Variants in PHF24 observed in about 807,000 individuals in gnomAD.
The protein encoded by PHF24 is Galpha inhibitory interacting protein.
In PHF24, 25 loss-of-function variants were observed where a neutral mutation model predicts 42.6. The ratio of observed to expected loss-of-function variants is 0.59; its 90% confidence interval spans 0.43 to 0.82. PHF24 has a LOEUF of 0.82. Ranked by LOEUF, PHF24 falls within the 40% of genes least tolerant of loss-of-function variation. PHF24 has a pLI of 0.00. For missense variants in PHF24, 470 were observed against 538.1 expected (o/e 0.87, Z 1.25); for synonymous variants, 185 against 204.8 (o/e 0.90, Z 0.83).
chr9:34,947,965 C>T, the PHF24 span, among the ~76,000 whole-genome samples: 1 of 151,676 alleles, frequency 6.6e-6, no homozygotes, highest in Non-Finnish European at 1.5e-5. Context: ...AAAAATTAGC[C>T]GGGCATGGTG....
At chr9:34,886,051 C>G in the PHF24 span, among the ~76,000 whole-genome samples, 188 of 152,092 alleles carry the variant, frequency 1.2e-3, 1 homozygote, top group South Asian at 7.3e-3. Flanking sequence ...TCTCCTCCAT[C>G]ATTAACTCTA....
chr9:34,726,918 T>A, the PHF24 span: 1 of 1,551,718 alleles, frequency 6.4e-7, no homozygotes, highest in Non-Finnish European at 8.7e-7. Flanking sequence ...GCCACAGAAT[T>A]GCAGATTTGG....
the PHF24 span, among the ~76,000 whole-genome samples, chr9:34,772,762 G>T: frequency 6.6e-6 from 1 of 152,140 alleles, no homozygotes; most frequent in Non-Finnish European, 1.5e-5. Context: ...AGGGGAGGAG[G>T]CTAGCATGAT....
At chr9:34,692,661 T>C in the PHF24 span, among the ~76,000 whole-genome samples, 6 of 152,208 alleles carry the variant, frequency 3.9e-5, no homozygotes, top group African/African-American at 1.4e-4. Context: ...CTTAGTGTCC[T>C]TATTTGTAAA....
the PHF24 span, among the ~76,000 whole-genome samples, chr9:34,945,162 T>C: frequency 1.3e-5 from 2 of 152,202 alleles, no homozygotes; most frequent in African/African-American, 2.4e-5. Context: ...CTTTAGCACC[T>C]GTACCACCAC....
chr9:34,792,441 C>T, the PHF24 span, among the ~76,000 whole-genome samples: 3 of 152,100 alleles, frequency 2.0e-5, no homozygotes, highest in Admixed American at 6.5e-5. Context: ...GAGGCTGAGG[C>T]GGGCAGATCA....
At chr9:34,680,673 G>A in the PHF24 span, among the ~76,000 whole-genome samples, 1 of 142,702 alleles carries the variant, frequency 7.0e-6, no homozygotes, top group Non-Finnish European at 1.5e-5. Context: ...GGGCGACAGA[G>A]CGAGACTCCG....
chr9:34,899,234 G>A, the PHF24 span, among the ~76,000 whole-genome samples: 12 of 152,310 alleles, frequency 7.9e-5, no homozygotes, highest in East Asian at 1.3e-3. Context: ...CTCTGTGGAC[G>A]CTGGAGGGCT....
At chr9:34,908,165 G>GT in the PHF24 span, among the ~76,000 whole-genome samples, 1 of 130,042 alleles carries the variant, frequency 7.7e-6, no homozygotes, top group Non-Finnish European at 1.6e-5. Flanking sequence ...TTCACCTGCT[G>GT]TAAGTTTTCT....
the PHF24 span, among the ~76,000 whole-genome samples, chr9:34,746,397 A>G: frequency 6.6e-6 from 1 of 152,228 alleles, no homozygotes; most frequent in Non-Finnish European, 1.5e-5. Flanking sequence ...ATGAACATAG[A>G]TATTAGCAAC....
At chr9:34,839,297 G>A in the PHF24 span, among the ~76,000 whole-genome samples, 13 of 152,156 alleles carry the variant, frequency 8.5e-5, no homozygotes, top group Admixed American at 1.3e-4. Context: ...GCTTTGGGTC[G>A]CAAACTGGTT....
At chr9:34,846,038 T>C in the PHF24 span, among the ~76,000 whole-genome samples, 1 of 152,132 alleles carries the variant, frequency 6.6e-6, no homozygotes, top group East Asian at 1.9e-4. Flanking sequence ...TTTGCTATTG[T>C]GAATAGTGCT....
At chr9:34,681,455 G>A in the PHF24 span, among the ~76,000 whole-genome samples, 7 of 15,160 alleles carry the variant, frequency 4.6e-4, no homozygotes, top group African/African-American at 6.9e-4. Flanking sequence ...CCCCAAATTC[G>A]TATGTTTAGT....
At chr9:34,741,694 GT>G in the PHF24 span, among the ~76,000 whole-genome samples, 1 of 152,246 alleles carries the variant, frequency 6.6e-6, no homozygotes, top group African/African-American at 2.4e-5. Context: ...GTCCAGCGAT[GT>G]TCTGCATGGC....
At chr9:34,754,482 A>C in the PHF24 span, among the ~76,000 whole-genome samples, 1 of 152,172 alleles carries the variant, frequency 6.6e-6, no homozygotes, top group Non-Finnish European at 1.5e-5. Context: ...AATGAAAATG[A>C]AAATGAAAAT....
the PHF24 span, among the ~76,000 whole-genome samples, chr9:34,916,727 C>A: frequency 6.6e-6 from 1 of 152,110 alleles, no homozygotes; most frequent in Non-Finnish European, 1.5e-5. Flanking sequence ...TCATATTTTT[C>A]TTGATAAGTG....
At chr9:34,739,933 C>T in the PHF24 span, among the ~76,000 whole-genome samples, 10 of 152,200 alleles carry the variant, frequency 6.6e-5, no homozygotes, top group African/African-American at 2.2e-4. Context: ...CTCCACCTCC[C>T]CACCAGAGTA....
At chr9:34,858,754 T>C in the PHF24 span, among the ~76,000 whole-genome samples, 1 of 152,378 alleles carries the variant, frequency 6.6e-6, no homozygotes, top group South Asian at 2.1e-4. Flanking sequence ...AAGATAATTT[T>C]TTAAAGTCTT....
the PHF24 span, among the ~76,000 whole-genome samples, chr9:34,765,331 G>A: frequency 6.0e-5 from 9 of 149,536 alleles, no homozygotes; most frequent in African/African-American, 1.7e-4. Flanking sequence ...TTGTGTGGGC[G>A]TCTAAGTCTC....
Sources: allele counts gnomAD v4.1 joint callset (sites outside exome capture counted in the v4.1 genomes callset), GRCh38; gene constraint gnomAD v4.1.1; transcripts MANE v1.5; gene names NCBI Gene and HGNC (gene_info 2026-07-23, HGNC 2026-07-21).